SMIM14: variants seen among roughly 807,000 people sequenced by gnomAD.
SMIM14 encodes small integral membrane protein 14, also known as chromosome 4 open reading frame 34.
In SMIM14, 5 loss-of-function variants were observed where a neutral mutation model predicts 12.6. The observed-to-expected ratio is 0.40, with a 90% CI of 0.21 to 0.83. The LOEUF (loss-of-function observed/expected upper bound fraction) is 0.83. Ranked by LOEUF, SMIM14 falls within the 40% of genes least tolerant of loss-of-function variation. The probability of loss-of-function intolerance (pLI) is 0.37; values close to 1 mark genes in which losing one functional copy is unlikely to be tolerated. For missense variants in SMIM14, 86 were observed against 119.1 expected (o/e 0.72, Z 1.29); for synonymous variants, 30 against 40.1 (o/e 0.75, Z 0.95).
intron 1 of SMIM14, 163 bp downstream of exon 1, chr4:39,638,576 G>A (rs1167856952): frequency 1.2e-5 from 12 of 981,704 alleles, no homozygotes; most frequent in Non-Finnish European, 1.2e-5. Flanking sequence ...AGCTTCTCCC[G>A]GTGCAGAATC....
At chr4:39,582,578 C>G (rs983412909) in intron 2 of SMIM14, among the ~76,000 whole-genome samples, 1 of 151,354 alleles carries the variant, frequency 6.6e-6, no homozygotes, top group Non-Finnish European at 1.5e-5. Context: ...GCAGGAGAAT[C>G]GCTTGAACCC....
chr4:39,615,826 C>T (rs556879796), intron 1 of SMIM14, among the ~76,000 whole-genome samples: 5 of 152,146 alleles, frequency 3.3e-5, no homozygotes, highest in East Asian at 3.9e-4. Flanking sequence ...ATTTTTTAAA[C>T]CTATAATAAA....
chr4:39,567,143 GAAAAAAAAAAA>G (rs1168446466), intron 3 of SMIM14, among the ~76,000 whole-genome samples: 4 of 72,094 alleles, frequency 5.5e-5, no homozygotes, highest in Non-Finnish European at 8.3e-5. Context: ...CTCAAAAAAA[GAAAAAAAAAAA>G]AAAAAAAAAA....
At chr4:39,591,427 C>T (rs1560296089) in intron 2 of SMIM14, among the ~76,000 whole-genome samples, 1 of 151,982 alleles carries the variant, frequency 6.6e-6, no homozygotes, top group Non-Finnish European at 1.5e-5. Context: ...CGCTGTAACT[C>T]GGTGATGTAA....
chr4:39,631,553 G>C (rs1268183623), intron 1 of SMIM14, among the ~76,000 whole-genome samples: 3 of 152,004 alleles, frequency 2.0e-5, no homozygotes, highest in East Asian at 3.9e-4. Flanking sequence ...CAGCTACTCG[G>C]GAGGCTGAGG....
At chr4:39,598,661 T>C (rs62307812) in intron 2 of SMIM14, among the ~76,000 whole-genome samples, 35,337 of 152,196 alleles carry the variant, frequency 0.23, 5,069 homozygotes, top group Middle Eastern at 0.34. Context: ...AACTATACTG[T>C]AATTACTTTT....
chr4:39,571,303 C>T (rs1441891345), intron 3 of SMIM14, among the ~76,000 whole-genome samples: 5 of 151,938 alleles, frequency 3.3e-5, no homozygotes, highest in Admixed American at 2.6e-4. Flanking sequence ...AGTGGCTGGG[C>T]ATGGTGACTC....
intron 3 of SMIM14, among the ~76,000 whole-genome samples, chr4:39,557,289 G>A (rs973469290): frequency 4.6e-5 from 7 of 152,016 alleles, no homozygotes; most frequent in Non-Finnish European, 1.0e-4. Flanking sequence ...TGGGATTACA[G>A]GTGTGAGCCA....
intron 4 of SMIM14, among the ~76,000 whole-genome samples, chr4:39,555,244 T>C (rs1200515039): frequency 6.6e-6 from 1 of 151,966 alleles, no homozygotes; most frequent in Non-Finnish European, 1.5e-5. Flanking sequence ...AGGTTCTTTT[T>C]TTTTTTGAGA....
chr4:39,619,876 A>ATATTTTTTTT (rs71192884), intron 1 of SMIM14, among the ~76,000 whole-genome samples: 14 of 115,868 alleles, frequency 1.2e-4, no homozygotes, highest in African/African-American at 4.5e-4. Context: ...ATATATATAT[A>ATATTTTTTTT]TTTTTTTTTT....
intron 2 of SMIM14, among the ~76,000 whole-genome samples, chr4:39,596,393 C>A (rs939388275): frequency 6.6e-6 from 1 of 152,182 alleles, no homozygotes; most frequent in African/African-American, 2.4e-5. Flanking sequence ...CCGGGCCCGG[C>A]CGCATATATA....
chr4:39,638,408 T>C (rs1220479405), intron 1 of SMIM14: 2 of 937,310 alleles, frequency 2.1e-6, no homozygotes, highest in Non-Finnish European at 2.5e-6. Context: ...GACTCTCTTT[T>C]TACTCCATGA....
Position 39,638,738 on chromosome 4 carries a change from C to G in SMIM14, c.-36+1G>C. The G allele has an allele frequency of 1.0e-6, 1 of 985,484 alleles. No homozygotes were observed. Among genetic ancestry groups the G allele is most frequent in the Non-Finnish European group, 1.2e-6 (1 of 829,998 alleles). The allele number at this position is 985,484 out of a possible 1,614,324, so 61.0% of individuals were successfully genotyped here. ...CTGGTGGGAGAGGGGGAGACACTCA[C>G]CCGCCCAGACAACAACCGATGGGGC... On this transcript the variant is annotated splice_donor_variant, in intron 1 of 4. Coordinates refer to ENST00000295958, the MANE Select transcript of SMIM14 (RefSeq NM_174921.3). LOFTEE classifies it low-confidence loss of function (5UTR_SPLICE).
intron 2 of SMIM14, among the ~76,000 whole-genome samples, chr4:39,600,986 G>A (rs1714589319): frequency 6.6e-6 from 1 of 151,950 alleles, no homozygotes; most frequent in South Asian, 2.1e-4. Flanking sequence ...CAACTTGAGT[G>A]TATGCTCCCA....
intron 3 of SMIM14, among the ~76,000 whole-genome samples, chr4:39,560,001 G>A (rs781710176): frequency 6.6e-6 from 1 of 151,540 alleles, no homozygotes; most frequent in African/African-American, 2.4e-5. Context: ...GTGTGCCTGC[G>A]GTCCCAGCTA....
chr4:39,557,826 AGAAAG>A (rs1712098289), intron 3 of SMIM14, among the ~76,000 whole-genome samples: 2 of 152,238 alleles, frequency 1.3e-5, no homozygotes, highest in South Asian at 4.1e-4. Flanking sequence ...ATCATGAAAA[AGAAAG>A]GGGACATCTG....
rs937894941 is a variant in SMIM14, at chr4:39,551,378, G to T, written c.*748C>A. On this transcript the variant is annotated 3_prime_UTR_variant, in exon 5 of 5. Transcript: ENST00000295958. ...TCATGAACCTTGTAAGGCTAGTGTT[G>T]AGTGGCTTACAAATGTCATATAATG... is the stretch of plus-strand genomic sequence containing the variant. 1 of 152,626 alleles carries T rather than the reference G, an allele frequency of 6.6e-6. No homozygotes were observed. The highest frequency in any genetic ancestry group is 1.5e-5 in the Non-Finnish European group (1 of 68,042). 9.5% of individuals were successfully genotyped at this position (152,626 alleles called of 1,614,324 possible).
intron 3 of SMIM14, among the ~76,000 whole-genome samples, chr4:39,556,947 C>A (rs1446739474): frequency 6.6e-6 from 1 of 152,096 alleles, no homozygotes; most frequent in Non-Finnish European, 1.5e-5. Context: ...GCCACCATGC[C>A]CCATGCACCT....
chr4:39,582,235 C>G (rs1049386732), intron 2 of SMIM14, among the ~76,000 whole-genome samples: 2 of 152,178 alleles, frequency 1.3e-5, no homozygotes, highest in Non-Finnish European at 2.9e-5. Flanking sequence ...CCTCTGAAAC[C>G]TAAAGGTTAT....
Sources: allele counts gnomAD v4.1 joint callset (sites outside exome capture counted in the v4.1 genomes callset), GRCh38; gene constraint gnomAD v4.1.1; transcripts MANE v1.5; gene names NCBI Gene and HGNC (gene_info 2026-07-23, HGNC 2026-07-21).